Variants in PSD3 observed in about 807,000 individuals in gnomAD.
PSD3 encodes PH and SEC7 domain-containing protein 3.
Under a neutral mutation model 105.5 loss-of-function variants are expected in PSD3, and 49 were observed. The observed-to-expected ratio is 0.46, with a 90% CI of 0.37 to 0.59. The LOEUF (loss-of-function observed/expected upper bound fraction) is 0.59, where lower values mean the gene tolerates loss of function less well. Ranked by LOEUF, PSD3 falls within the 20% of genes least tolerant of loss-of-function variation. The pLI, the probability that PSD3 is intolerant of heterozygous loss-of-function variation, is 0.00. For missense variants in PSD3, 1,561 were observed against 1,263.8 expected (o/e 1.24, Z -3.57); for synonymous variants, 557 against 457.8 (o/e 1.22, Z -2.77).
chr8:18,563,543 C>G (rs1801533653), intron 14 of PSD3, among the ~76,000 whole-genome samples: 2 of 152,088 alleles, frequency 1.3e-5, no homozygotes, highest in Non-Finnish European at 2.9e-5. Flanking sequence ...GTCTTTGAGT[C>G]AGTTTGAGGG....
At chr8:18,919,727 ATT>A (rs563598592) in intron 2 of PSD3, among the ~76,000 whole-genome samples, 2 of 152,016 alleles carry the variant, frequency 1.3e-5, no homozygotes, top group South Asian at 4.2e-4. Context: ...GGAAATCATC[ATT>A]CTCAGTAAAC....
At chr8:18,561,498 G>C (rs1441937200) in intron 14 of PSD3, among the ~76,000 whole-genome samples, 1 of 152,032 alleles carries the variant, frequency 6.6e-6, no homozygotes, top group African/African-American at 2.4e-5. Context: ...CTGGTCAAAG[G>C]ATGAAAAATA....
intron 10 of PSD3, among the ~76,000 whole-genome samples, chr8:18,654,723 A>G (rs1808759792): frequency 6.6e-6 from 1 of 152,192 alleles, no homozygotes; most frequent in South Asian, 2.1e-4. Context: ...CTGATAACAC[A>G]CATTGGCATT....
rs186743218 is a variant in PSD3 at position 18,695,361 on chromosome 8, A to G, written c.2173-39676T>C. On this transcript the variant is annotated intron_variant, in intron 9 of 15. Coordinates refer to ENST00000327040, the MANE Select transcript of PSD3 (RefSeq NM_015310.4). ...TGCATGCATGAAGTAAAAAGATAAC[A>G]GCATCTTTGATGCCTCCTGTCATGT... is the stretch of plus-strand genomic sequence containing the variant. Among the ~76,000 whole-genome samples, 95 of 152,306 alleles carry G rather than the reference A, an allele frequency of 6.2e-4. 1 individual carries two copies. The highest frequency in any genetic ancestry group is 2.1e-4 in the South Asian group (1 of 4,832).
rs1828306681 is a variant in PSD3, at chr8:19,046,081, T to A, written c.324+38125A>T. Among the ~76,000 whole-genome samples the A allele has an allele frequency of 2.0e-5, 3 of 152,176 alleles. No homozygotes were observed. The South Asian group carries it at 6.2e-4, about 32-fold the overall frequency. On this transcript the variant is annotated intron_variant, in intron 1 of 1. Transcript: ENST00000521475. Reference sequence around the variant, plus strand: ...CACAATAAGAAACAAGAAAACATTGTATAGAACAAGGGTGAAGTAACTAGA... The same window carrying A: ...CACAATAAGAAACAAGAAAACATTGAATAGAACAAGGGTGAAGTAACTAGA...
At chr8:18,679,042 A>C (rs1184942242) in intron 9 of PSD3, among the ~76,000 whole-genome samples, 1 of 60,566 alleles carries the variant, frequency 1.7e-5, no homozygotes, top group African/African-American at 3.5e-5. Flanking sequence ...ATTTGCAAGA[A>C]AATTTTCATA....
intron 1 of PSD3, among the ~76,000 whole-genome samples, chr8:19,058,548 C>T (rs541435672): frequency 1.6e-4 from 24 of 150,872 alleles, no homozygotes; most frequent in Admixed American, 7.3e-4. Context: ...ACTGTACATA[C>T]ACACACACAG....
At chr8:18,984,192 AAATAATAATAAT>A (rs59486224) in intron 1 of PSD3, among the ~76,000 whole-genome samples, 3 of 146,436 alleles carry the variant, frequency 2.0e-5, no homozygotes, top group African/African-American at 7.4e-5. Context: ...CCTTCAATTA[AAATAATAATAAT>A]AATAATAATA....
At chr8:18,670,378 C>T (rs186752934) in intron 9 of PSD3, among the ~76,000 whole-genome samples, 2 of 152,032 alleles carry the variant, frequency 1.3e-5, no homozygotes, top group Non-Finnish European at 2.9e-5. Flanking sequence ...GGATTTTAAG[C>T]GGGAGGGTGA....
At chr8:18,785,527 T>C (rs73595725) in intron 8 of PSD3, among the ~76,000 whole-genome samples, 1,649 of 152,324 alleles carry the variant, frequency 0.011, 33 homozygotes, top group African/African-American at 0.038. Flanking sequence ...ATACCCTATC[T>C]ACACCACCAA....
At chr8:18,907,058 G>C (rs1459371280) in intron 2 of PSD3, among the ~76,000 whole-genome samples, 1 of 152,186 alleles carries the variant, frequency 6.6e-6, no homozygotes, top group Non-Finnish European at 1.5e-5. Context: ...TGTATTTTAA[G>C]TATCATTACA....
chr8:18,602,425 C>G (rs951602467), intron 11 of PSD3, among the ~76,000 whole-genome samples: 1 of 152,028 alleles, frequency 6.6e-6, no homozygotes, highest in African/African-American at 2.4e-5. Context: ...TTACTGCAGT[C>G]TACTTTTCTA....
At chr8:18,709,237 T>C (rs1208902387) in intron 9 of PSD3, among the ~76,000 whole-genome samples, 3 of 152,198 alleles carry the variant, frequency 2.0e-5, no homozygotes, top group East Asian at 3.9e-4. Flanking sequence ...TGGCAGATCA[T>C]GGGCTGACTT....
intron 9 of PSD3, among the ~76,000 whole-genome samples, chr8:18,664,909 G>A (rs1221472979): frequency 2.0e-5 from 3 of 152,184 alleles, no homozygotes; most frequent in African/African-American, 7.2e-5. Context: ...CATATCTGTT[G>A]ACAGGATGGT....
In PSD3 at chr8:18,603,279, G is replaced by A. The variant is rs28410515; in HGVS notation, c.2411-2845C>T. Reference sequence around the variant, plus strand: ...AACAATCTGCCTCTAACCTTACTTTGGCTTTTCTTTTTTTTAATGCTATTG... The same window carrying A: ...AACAATCTGCCTCTAACCTTACTTTAGCTTTTCTTTTTTTTAATGCTATTG... On this transcript the variant is annotated intron_variant, in intron 11 of 15. Coordinates refer to ENST00000327040, the MANE Select transcript of PSD3 (RefSeq NM_015310.4). Among the ~76,000 whole-genome samples, 1,477 of 151,914 alleles carry A rather than the reference G, an allele frequency of 9.7e-3. 28 individuals are homozygous for A. The highest frequency in any genetic ancestry group is 0.034 in the African/African-American group (1,406 of 41,408).
At position 18,936,020 on chromosome 8, in the gene PSD3, G is replaced by A. The variant is rs377618137; in HGVS notation, c.130+14C>T. 6.5e-7 allele frequency: 1 copy of A among 1,536,446 alleles called. No homozygotes were observed. Among genetic ancestry groups the A allele is most frequent in the East Asian group, 2.2e-5 (1 of 44,470 alleles). On this transcript the variant is annotated intron_variant, in intron 2 of 15. Transcript: ENST00000327040. ...TATAGTTTACCTGGGAGAGGGATAT[G>A]AGGAAATACTTACTAGTATCTGGAG...
chr8:18,970,013 C>T (rs542994927), intron 1 of PSD3, among the ~76,000 whole-genome samples: 4 of 150,710 alleles, frequency 2.7e-5, no homozygotes, highest in Middle Eastern at 3.4e-3. Flanking sequence ...AAGAAAGAAA[C>T]GCTAGGTAAA....
rs776390313 is a variant in PSD3, at chr8:18,804,806, T to C, written c.1727A>G (p.Asn576Ser). The C allele has an allele frequency of 6.2e-7, 1 of 1,613,988 alleles. No homozygotes were observed. Among genetic ancestry groups the C allele is most frequent in the African/African-American group, 1.3e-5 (1 of 74,924 alleles). Reference sequence around the variant, plus strand: ...TGCTTCCACATTGCTGCTGGTACCATTACTGAGATTTTCTGGGGTCTCCTT... The same window carrying C: ...TGCTTCCACATTGCTGCTGGTACCACTACTGAGATTTTCTGGGGTCTCCTT... ...LEKETPENLS[N>S]GTSSNVEAAK... is the part of the protein sequence containing the mutation. The change falls in exon 5 of 16, where the codon AAT becomes AGT. Residue 576 changes from asparagine (N) to serine (S), a missense_variant. By Grantham distance (46) the Asn-to-Ser change is conservative. Coordinates refer to ENST00000327040, the MANE Select transcript of PSD3 (RefSeq NM_015310.4).
chr8:18,584,537 T>C (rs1803025904), intron 12 of PSD3, among the ~76,000 whole-genome samples: 1 of 152,230 alleles, frequency 6.6e-6, no homozygotes, highest in South Asian at 2.1e-4. Context: ...TATCCTTCTA[T>C]GAGATTGTGA....
Sources: allele counts gnomAD v4.1 joint callset (sites outside exome capture counted in the v4.1 genomes callset), GRCh38; gene constraint gnomAD v4.1.1; transcripts MANE v1.5; gene names NCBI Gene and HGNC (gene_info 2026-07-23, HGNC 2026-07-21).